The following IQCE variants were observed in gnomAD, a reference collection of about 807,000 sequenced individuals.
IQCE encodes the protein IQ motif containing E.
Under a neutral mutation model 96.0 loss-of-function variants are expected in IQCE, and 115 were observed. That is an observed-to-expected ratio of 1.20 (90% CI 1.03 to 1.40). IQCE has a LOEUF of 1.40. Among genes scored for constraint, IQCE ranks in the 40% most tolerant of loss-of-function variants. The pLI, the probability that IQCE is intolerant of heterozygous loss-of-function variation, is 0.00. For missense variants in IQCE, 1,041 were observed against 909.1 expected (o/e 1.15, Z -1.87); for synonymous variants, 412 against 371.2 (o/e 1.11, Z -1.26).
intron 9 of IQCE, 72 bp from the exon 10 acceptor site, chr7:2,583,565 G>T: frequency 1.7e-6 from 2 of 1,199,294 alleles, no homozygotes; most frequent in African/African-American, 1.6e-5. Flanking sequence ...AACGTTCTGG[G>T]AAACTCTTCC....
chr7:2,564,708 C>T lies in IQCE; in HGVS notation c.37-2408C>T, dbSNP rs372647845. Among the ~76,000 whole-genome samples the T allele has an allele frequency of 4.3e-4, 66 of 152,126 alleles. No individual in the cohort carries two copies. The East Asian group carries it at 7.1e-3, about 16-fold the overall frequency. On this transcript the variant is annotated intron_variant, in intron 1 of 21. Coordinates refer to ENST00000402050, the MANE Select transcript of IQCE (RefSeq NM_152558.5). Reference sequence around the variant, plus strand: ...GATTTTCTCTTTTAATTCATTGAGGCTTTTTTGTGGCCTATGGTCTGGTTT... The same window carrying T: ...GATTTTCTCTTTTAATTCATTGAGGTTTTTTTGTGGCCTATGGTCTGGTTT...
chr7:2,605,450 C>G (rs1784735806), intron 19 of IQCE, among the ~76,000 whole-genome samples: 1 of 151,958 alleles, frequency 6.6e-6, no homozygotes, highest in Non-Finnish European at 1.5e-5. Flanking sequence ...GAAACTCTGT[C>G]TCTACTAAAA....
At chr7:2,596,822 G>A (rs534693405) in intron 16 of IQCE, 3 of 384,882 alleles carry the variant, frequency 7.8e-6, no homozygotes, top group Non-Finnish European at 1.1e-5. Context: ...GGGAAGATGA[G>A]GCTCTTCTTA....
intron 1 of IQCE, among the ~76,000 whole-genome samples, chr7:2,561,844 T>C (rs1297027779): frequency 1.3e-5 from 2 of 152,244 alleles, no homozygotes; most frequent in East Asian, 1.9e-4. Context: ...TGTCTGTGAA[T>C]AGAGATAGTT....
In IQCE at chr7:2,568,995, G is replaced by T; in HGVS notation, c.126G>T (p.Ser42=). ...RKAFHKPPPT[S]PKSPYLSKPR... ...CTTTCCACAAACCTCCACCCACATCGCCAAGTAAGTATGACGAGGCCTGCC... is the reference window on the plus strand; with the variant it reads ...CTTTCCACAAACCTCCACCCACATCTCCAAGTAAGTATGACGAGGCCTGCC... The change falls in exon 3 of 22, where the codon TCG becomes TCT. Residue 42 remains serine (S), a synonymous_variant. Transcript: ENST00000402050. 6.2e-7 allele frequency: 1 copy of T among 1,613,762 alleles called. No individual in the cohort carries two copies. The highest frequency in any genetic ancestry group is 8.5e-7 in the Non-Finnish European group (1 of 1,179,904).
In IQCE at chr7:2,607,323, G is replaced by T. The variant is rs775145211; in HGVS notation, c.1969+96G>T. 5.0e-5 allele frequency: 77 copies of T among 1,537,502 alleles called. 1 individual carries two copies. In the South Asian group the frequency reaches 9.4e-4, roughly 19 times the overall value. On this transcript the variant is annotated intron_variant, in intron 21 of 21. Transcript: ENST00000402050. The stretch of plus-strand genomic sequence containing the variant: ...CCTCCAGGAAGCCCGGGCTGTGTCG[G>T]GACGGAAGGGAGGAGTGTCCCATCT...
chr7:2,563,184 C>A (rs1336897432), intron 1 of IQCE, among the ~76,000 whole-genome samples: 2 of 152,034 alleles, frequency 1.3e-5, no homozygotes, highest in Non-Finnish European at 2.9e-5. Flanking sequence ...CCTTGGCCTC[C>A]CAAAGTGTTG....
In IQCE at chr7:2,571,545, G is replaced by T; in HGVS notation, c.150G>T (p.Lys50Asn). The T allele has an allele frequency of 6.2e-7, 1 of 1,606,282 alleles. No homozygotes were observed. ...PTSPKSPYLS[K>N]PRKVASWRSL... is the part of the protein sequence containing the mutation. ...TTCCAGAGTCACCTTATCTCTCTAAGCCGAGAAAAGTGGCCTCCTGGAGGT... is the reference window on the plus strand; with the variant it reads ...TTCCAGAGTCACCTTATCTCTCTAATCCGAGAAAAGTGGCCTCCTGGAGGT... The change falls in exon 4 of 22, where the codon AAG (lysine) becomes AAT (asparagine). Residue 50 changes from lysine to asparagine, a missense_variant. Lys to Asn is a moderately conservative substitution (Grantham distance 94, BLOSUM62 0). Coordinates refer to ENST00000402050, the MANE Select transcript of IQCE (RefSeq NM_152558.5).
At chr7:2,559,876 C>G (rs939583338) in intron 1 of IQCE, among the ~76,000 whole-genome samples, 1 of 151,372 alleles carries the variant, frequency 6.6e-6, no homozygotes, top group Non-Finnish European at 1.5e-5. Context: ...GGCCGGGAGC[C>G]GTGGCTCAGG....
chr7:2,582,780 G>C, intron 9 of IQCE, 130 bp downstream of exon 9: 1 of 696,920 alleles, frequency 1.4e-6, no homozygotes, highest in Non-Finnish European at 2.5e-6. Context: ...GTGAATGTTA[G>C]CTGCCTCTTT....
At chr7:2,559,780 G>GGGGGGGGGGGA (rs1780794696) in intron 1 of IQCE, among the ~76,000 whole-genome samples, 1 of 106,082 alleles carries the variant, frequency 9.4e-6, no homozygotes, top group Non-Finnish European at 2.1e-5. Flanking sequence ...GGGGGGGGGG[G>GGGGGGGGGGGA]GGCGGAGGGA....
At position 2,605,778 on chromosome 7, in the gene IQCE, C is replaced by T. The variant is rs956210989; in HGVS notation, c.1744-98C>T. 10 of 1,285,516 alleles carry T rather than the reference C, an allele frequency of 7.8e-6. No homozygotes were observed. The South Asian group carries it at 1.8e-4, about 23-fold the overall frequency. 79.6% of individuals were successfully genotyped at this position (1,285,516 alleles called of 1,614,324 possible). ...CATCTGAAAAGGAAACTGAGCTCTTCCTGTCTCCCTGACGCCCAGGGTGCC... is the reference window on the plus strand; with the variant it reads ...CATCTGAAAAGGAAACTGAGCTCTTTCTGTCTCCCTGACGCCCAGGGTGCC... On this transcript the variant is annotated intron_variant, in intron 19 of 21. Transcript: ENST00000402050.
intron 16 of IQCE, 163 bp from the exon 17 acceptor site, chr7:2,598,302 A>G (rs1000833170): frequency 3.3e-6 from 2 of 612,988 alleles, no homozygotes; most frequent in Non-Finnish European, 5.5e-6. Flanking sequence ...GACCGCTGTC[A>G]TGTGGTCTGC....
Position 2,573,457 on chromosome 7 carries a change from A to G in IQCE, c.434A>G (p.Asp145Gly). 4 of 1,548,296 alleles carry G rather than the reference A, an allele frequency of 2.6e-6. No individual in the cohort carries two copies. Among genetic ancestry groups the G allele is most frequent in the Non-Finnish European group, 2.7e-6 (3 of 1,120,714 alleles). ...PGTPVYREKE[D>G]MYDEIIELKK... ...ACTCCTGTCTACAGAGAAAAAGAAG[A>G]TATGTATGACGAGATTATTGAGTTA... The change falls in exon 6 of 22, where the codon GAT becomes GGT. Residue 145 changes from aspartate (D) to glycine (G), a missense_variant. Physicochemically the swap from Asp to Gly is moderately conservative, Grantham distance 94 (BLOSUM62 -1). Transcript: ENST00000402050.
rs191503365 is a variant in IQCE at position 2,586,214 on chromosome 7, G to A, written c.831G>A (p.Leu277=). The A allele has an allele frequency of 2.9e-3, 4,757 of 1,613,308 alleles. 14 individuals are homozygous for A. Among genetic ancestry groups the A allele is most frequent in the Non-Finnish European group, 3.1e-3 (3,646 of 1,179,716 alleles). Residue 277 remains leucine (L), a synonymous_variant, in exon 12 of 22, where the codon CTG becomes CTA. Coordinates refer to ENST00000402050, the MANE Select transcript of IQCE (RefSeq NM_152558.5). ...ASSETTGKKP[L]GEKKTGAKRQ... ...CACGATTTGGTTGTTCCAGGCCCCT[G>A]GGGGAGAAGAAGACGGGCGCCAAAA...
chr7:2,587,766 G>A, intron 12 of IQCE, 56 bp from the exon 13 acceptor site: 1 of 1,544,978 alleles, frequency 6.5e-7, no homozygotes, highest in Non-Finnish European at 8.9e-7. Flanking sequence ...GAGAAGGGTG[G>A]CCCTGCTGGC....
chr7:2,596,920 C>T (rs1305042136), intron 16 of IQCE: 1 of 463,008 alleles, frequency 2.2e-6, no homozygotes, highest in Admixed American at 2.4e-5. Context: ...CTGGAAACAG[C>T]TGGCTGTGTG....
intron 15 of IQCE, among the ~76,000 whole-genome samples, chr7:2,594,662 C>A (rs1032559893): frequency 1.3e-5 from 2 of 152,244 alleles, no homozygotes; most frequent in African/African-American, 4.8e-5. Flanking sequence ...GGGCTTCCAG[C>A]CCAGAGCAGG....
rs573353467 is a variant in IQCE at position 2,609,406 on chromosome 7, G to GAA, written c.1970-637_1970-636insAA. 2.1e-4 allele frequency among the ~76,000 whole-genome samples: 32 copies of GAA among 151,122 alleles called. No homozygotes were observed. In the East Asian group the frequency reaches 6.2e-3, roughly 29 times the overall value. ...AGCCACCCTCCCACCTCGGCCTCCA[G>GAA]AGTCCTGGGGTTACAGGCATGAGCC... is the stretch of plus-strand genomic sequence containing the variant. On this transcript the variant is annotated intron_variant, in intron 21 of 21. Coordinates refer to ENST00000402050, the MANE Select transcript of IQCE (RefSeq NM_152558.5).
Sources: gnomAD v4.1 joint callset for allele counts (sites outside exome capture counted in the v4.1 genomes callset) on GRCh38, gnomAD v4.1.1 for gene constraint, MANE v1.5 for transcripts, NCBI Gene and HGNC (gene_info 2026-07-23, HGNC 2026-07-21) for gene names.